Variants in RBFOX2 observed in about 807,000 individuals in gnomAD.
RBFOX2 encodes the protein RNA binding fox-1 homolog 2.
Under a neutral mutation model 49.1 loss-of-function variants are expected in RBFOX2, and 10 were observed. The observed-to-expected ratio is 0.20, with a 90% CI of 0.13 to 0.35. The LOEUF is 0.35. Among genes scored for constraint, RBFOX2 ranks in the 10% least tolerant of loss-of-function variants. RBFOX2 has a pLI of 1.00. For synonymous variants in RBFOX2, 183 were observed against 187.4 expected, an observed-to-expected ratio of 0.98 and a Z score of 0.19; for missense variants, 323 against 486.9, an observed-to-expected ratio of 0.66 and a Z score of 3.17.
intron 1 of RBFOX2, among the ~76,000 whole-genome samples, chr22:35,894,347 A>C (rs1220437481): frequency 6.6e-6 from 1 of 152,210 alleles, no homozygotes; most frequent in Non-Finnish European, 1.5e-5. Flanking sequence ...ATTGTGAAGG[A>C]TAGTAAAAAT....
intron 9 of RBFOX2, among the ~76,000 whole-genome samples, chr22:35,754,192 T>C (rs561060765): frequency 8.2e-4 from 123 of 149,384 alleles, no homozygotes; most frequent in Middle Eastern, 3.5e-3. Flanking sequence ...CCCAGGTTCA[T>C]GCCATTCTCC....
chr22:36,028,333 C>T (rs1348160551), exon 1 of RBFOX2: 3 of 1,499,466 alleles, frequency 2.0e-6, no homozygotes, highest in East Asian at 2.8e-5. Context: ...CTCCGGGCAC[C>T]GGCAGCTCCA....
chr22:35,939,502 C>T (rs1317931271), upstream of RBFOX2, among the ~76,000 whole-genome samples: 3 of 152,114 alleles, frequency 2.0e-5, no homozygotes, highest in South Asian at 4.2e-4. Flanking sequence ...TTCAAGACTT[C>T]CTCTACTACT....
intron 1 of RBFOX2, among the ~76,000 whole-genome samples, chr22:35,922,902 G>A (rs1391938555): frequency 6.6e-6 from 1 of 152,146 alleles, no homozygotes; most frequent in Non-Finnish European, 1.5e-5. Flanking sequence ...TTTACAGAAA[G>A]TTTGCCCCCT....
chr22:35,803,847 G>C (rs1284313995), intron 2 of RBFOX2, among the ~76,000 whole-genome samples: 2 of 152,020 alleles, frequency 1.3e-5, no homozygotes, highest in African/African-American at 4.8e-5. Context: ...CTGAAAAAGA[G>C]ACCACCAGAA....
rs569928360 is a variant in RBFOX2 at position 35,875,969 on chromosome 22, T to C, written c.-34+62878A>G. ...AAGCTGTAGTTAAAATTTAGTTTAC[T>C]TCTTAAGTCAAAGAGGTAAATCTTA... On this transcript the variant is annotated intron_variant, in intron 1 of 13. Coordinates refer to the RBFOX2 transcript ENST00000359369. 1.2e-4 allele frequency among the ~76,000 whole-genome samples: 18 copies of C among 152,340 alleles called. 1 individual carries two copies. The South Asian group carries it at 3.5e-3, about 30-fold the overall frequency.
At chr22:35,782,822 TAA>T (rs1233085068) in intron 2 of RBFOX2, among the ~76,000 whole-genome samples, 1 of 152,236 alleles carries the variant, frequency 6.6e-6, no homozygotes, top group Non-Finnish European at 1.5e-5. Flanking sequence ...TACCCACAGT[TAA>T]AGAGTATAAA....
At chr22:35,772,783 A>G (rs1943019676) in intron 4 of RBFOX2, among the ~76,000 whole-genome samples, 1 of 152,192 alleles carries the variant, frequency 6.6e-6, no homozygotes, top group South Asian at 2.1e-4. Flanking sequence ...CATCGAGGAC[A>G]TATAGGAGCC....
At chr22:35,974,813 G>A (rs2057063036) in intron 1 of RBFOX2, among the ~76,000 whole-genome samples, 2 of 152,254 alleles carry the variant, frequency 1.3e-5, no homozygotes, top group East Asian at 3.9e-4. Context: ...TCATCTTACT[G>A]CTACCACTTA....
chr22:35,752,772 C>G (rs1935417242), intron 9 of RBFOX2: 1 of 379,744 alleles, frequency 2.6e-6, no homozygotes, highest in African/African-American at 2.2e-5. Flanking sequence ...TGCAAGCATG[C>G]TTTTCACAGG....
intron 4 of RBFOX2, among the ~76,000 whole-genome samples, chr22:35,769,022 G>T (rs1447220224): frequency 6.6e-6 from 1 of 152,002 alleles, no homozygotes; most frequent in African/African-American, 2.4e-5. Context: ...ACTAAGCAGT[G>T]GTCAATTATA....
rs191265071 is a variant in RBFOX2 at position 35,850,707 on chromosome 22, A to G, written c.-33-40703T>C. Among the ~76,000 whole-genome samples the G allele has an allele frequency of 3.7e-3, 570 of 152,304 alleles. 1 individual carries two copies. The highest frequency in any genetic ancestry group is 6.1e-3 in the Non-Finnish European group (418 of 68,018). The stretch of plus-strand genomic sequence containing the variant: ...ATATTAAAAGCAGTAACAAACATGG[A>G]CAGGTGTTAGGTTTGTCTGACAAAG... On this transcript the variant is annotated intron_variant, in intron 1 of 13. Coordinates refer to the RBFOX2 transcript ENST00000359369.
chr22:35,914,184 GC>G (rs1173448223), intron 1 of RBFOX2, among the ~76,000 whole-genome samples: 1 of 152,212 alleles, frequency 6.6e-6, no homozygotes, highest in African/African-American at 2.4e-5. Flanking sequence ...CCTTGGGCAA[GC>G]TGGACAGCCT....
At chr22:35,937,169 C>T (rs1295024157) in intron 1 of RBFOX2, among the ~76,000 whole-genome samples, 4 of 152,158 alleles carry the variant, frequency 2.6e-5, no homozygotes, top group African/African-American at 9.7e-5. Flanking sequence ...TACACTTACC[C>T]AATCAGAAAC....
chr22:35,826,068 G>A (rs1274575720), intron 1 of RBFOX2, among the ~76,000 whole-genome samples: 3 of 148,254 alleles, frequency 2.0e-5, no homozygotes, highest in Non-Finnish European at 3.0e-5. Flanking sequence ...AAAGCCGGGT[G>A]CAGCGGCTCA....
intron 1 of RBFOX2, among the ~76,000 whole-genome samples, chr22:35,977,829 T>C (rs1346834042): frequency 7.0e-6 from 1 of 142,724 alleles, no homozygotes; most frequent in South Asian, 2.2e-4. Context: ...AAAAAAGCCC[T>C]GTCCCCCTTC....
chr22:35,942,723 TAA>T (rs35497151), upstream of RBFOX2, among the ~76,000 whole-genome samples: 17 of 129,594 alleles, frequency 1.3e-4, no homozygotes, highest in Non-Finnish European at 1.5e-4. Flanking sequence ...TCCCATCTCT[TAA>T]AAAAAAAAAA....
chr22:36,002,827 T>C (rs1187947133), intron 1 of RBFOX2, among the ~76,000 whole-genome samples: 1 of 152,256 alleles, frequency 6.6e-6, no homozygotes, highest in Non-Finnish European at 1.5e-5. Context: ...GGTTTCGCCA[T>C]GTGGGCCAGG....
intron 1 of RBFOX2, among the ~76,000 whole-genome samples, chr22:35,870,394 C>T (rs562025799): frequency 2.6e-5 from 4 of 152,112 alleles, no homozygotes; most frequent in Non-Finnish European, 5.9e-5. Flanking sequence ...ATTGCTTGAA[C>T]CCAGGAGGTG....
Sources: gnomAD v4.1 joint callset for allele counts (sites outside exome capture counted in the v4.1 genomes callset) on GRCh38, gnomAD v4.1.1 for gene constraint, MANE v1.5 for transcripts, NCBI Gene and HGNC (gene_info 2026-07-23, HGNC 2026-07-21) for gene names.